ZNF503: variants seen among roughly 807,000 people sequenced by gnomAD.
ZNF503 encodes NocA-like zinc finger 2.
In ZNF503, 15 loss-of-function variants were observed where a neutral mutation model predicts 34.4. The observed-to-expected ratio is 0.44, with a 90% CI of 0.29 to 0.67. The LOEUF is 0.67. ZNF503 is among the 30% of genes least tolerant of loss of function. The pLI is 0.13. For missense variants in ZNF503, 1,007 were observed against 926.8 expected (o/e 1.09, Z -1.12); for synonymous variants, 580 against 456.8 (o/e 1.27, Z -3.44).
At chr10:75,350,371 A>G in the ZNF503 span, 3 of 152,348 alleles carry the variant, frequency 2.0e-5, no homozygotes, top group African/African-American at 7.2e-5. Flanking sequence ...CAACAGAGAA[A>G]GCAGAAGCCA....
the ZNF503 span, among the ~76,000 whole-genome samples, chr10:75,379,790 AT>A: frequency 3.3e-5 from 5 of 152,252 alleles, no homozygotes; most frequent in Admixed American, 2.6e-4. Flanking sequence ...TATCATAAAT[AT>A]GCAGAAAAGT....
At chr10:75,359,282 A>T in the ZNF503 span, among the ~76,000 whole-genome samples, 1 of 152,250 alleles carries the variant, frequency 6.6e-6, no homozygotes, top group African/African-American at 2.4e-5. Flanking sequence ...GCCCAGCCCC[A>T]GCACAGTTCC....
At chr10:75,330,430 G>A in the ZNF503 span, among the ~76,000 whole-genome samples, 6 of 152,084 alleles carry the variant, frequency 3.9e-5, no homozygotes, top group Admixed American at 2.6e-4. Context: ...AATTAGTATC[G>A]GTTCTTCTTT....
At position 75,399,448 on chromosome 10, in the gene ZNF503, G is replaced by A. The variant is rs759603265; in HGVS notation, c.1242C>T (p.Ala414=). The A allele has an allele frequency of 1.8e-5, 28 of 1,591,354 alleles. No individual in the cohort carries two copies. Among genetic ancestry groups the A allele is most frequent in the Non-Finnish European group, 2.0e-5 (24 of 1,174,390 alleles). Residue 414 remains alanine, a synonymous_variant, in exon 2 of 2, where the codon GCC becomes GCT. Coordinates refer to ENST00000372524, the MANE Select transcript of ZNF503 (RefSeq NM_032772.6). ...CSKPAGSSPL[A]GASPPSVMTA... ...TCATCACGGACGGCGGAGACGCTCC[G>A]GCCAAAGGGCTGGAGCCGGCCGGCT...
chr10:75,287,257 C>G, the ZNF503 span, among the ~76,000 whole-genome samples: 834 of 152,216 alleles, frequency 5.5e-3, 5 homozygotes, highest in African/African-American at 0.019. Context: ...GCTGCAGCTC[C>G]CTGGACCCAG....
chr10:75,379,425 G>A, the ZNF503 span, among the ~76,000 whole-genome samples: 12 of 152,140 alleles, frequency 7.9e-5, no homozygotes, highest in African/African-American at 2.9e-4. Flanking sequence ...ATCTGTTTAC[G>A]AGCTGATTAA....
chr10:75,379,656 A>AG, the ZNF503 span, among the ~76,000 whole-genome samples: 1 of 152,200 alleles, frequency 6.6e-6, no homozygotes, highest in Non-Finnish European at 1.5e-5. Flanking sequence ...CTGGAATGAG[A>AG]GGGGGAAGGA....
At chr10:75,333,137 G>A in the ZNF503 span, among the ~76,000 whole-genome samples, 1 of 137,518 alleles carries the variant, frequency 7.3e-6, no homozygotes. Context: ...GGACGGGGCG[G>A]CTGGCCGGGC....
the ZNF503 span, among the ~76,000 whole-genome samples, chr10:75,288,039 A>G: frequency 1.3e-5 from 2 of 152,180 alleles, no homozygotes; most frequent in Admixed American, 6.5e-5. Flanking sequence ...GCAGGTGGAG[A>G]TGGATGGCTC....
At chr10:75,324,070 G>GTGT in the ZNF503 span, among the ~76,000 whole-genome samples, 1 of 10,222 alleles carries the variant, frequency 9.8e-5, no homozygotes, top group African/African-American at 1.2e-3. Context: ...TTTTATATGC[G>GTGT]TTTGTCAGAA....
chr10:75,401,255 A>C lies in ZNF503; in HGVS notation c.165T>G (p.Pro55=). Residue 55 remains proline, a synonymous_variant, in exon 1 of 2, where the codon CCT becomes CCG. Coordinates refer to ENST00000372524, the MANE Select transcript of ZNF503 (RefSeq NM_032772.6). ...CAGAGGGGGGCACGGCGTGCACAAA[A>C]GGCTTGGTGCTGCCGGCCGGGGACG... ...PGSSPAGSTK[P]FVHAVPPSDP... 3 of 1,604,200 alleles carry C rather than the reference A, an allele frequency of 1.9e-6. No individual in the cohort carries two copies. The highest frequency in any genetic ancestry group is 2.6e-6 in the Non-Finnish European group (3 of 1,175,860).
the ZNF503 span, among the ~76,000 whole-genome samples, chr10:75,338,687 A>G: frequency 6.6e-6 from 1 of 152,106 alleles, no homozygotes; most frequent in Non-Finnish European, 1.5e-5. Context: ...TGAGATCTGG[A>G]ACTTTCTGGA....
At chr10:75,336,581 A>C in the ZNF503 span, among the ~76,000 whole-genome samples, 8 of 152,192 alleles carry the variant, frequency 5.3e-5, no homozygotes, top group Non-Finnish European at 1.2e-4. Flanking sequence ...CAATCACAGC[A>C]GCTGAAAACA....
the ZNF503 span, among the ~76,000 whole-genome samples, chr10:75,389,822 G>A: frequency 1.3e-5 from 2 of 152,294 alleles, no homozygotes; most frequent in South Asian, 4.1e-4. Flanking sequence ...TTTCTTTCAG[G>A]TTTCTGTAGT....
At chr10:75,355,314 C>T in the ZNF503 span, among the ~76,000 whole-genome samples, 1 of 152,102 alleles carries the variant, frequency 6.6e-6, no homozygotes, top group Non-Finnish European at 1.5e-5. Flanking sequence ...AAATAAAAAC[C>T]TCCTATTTAT....
the ZNF503 span, among the ~76,000 whole-genome samples, chr10:75,376,749 C>T: frequency 6.6e-6 from 1 of 152,114 alleles, no homozygotes. Flanking sequence ...AGGAATCTTA[C>T]AATCATGACG....
At chr10:75,396,472 C>T (rs989440131), downstream of ZNF503, among the ~76,000 whole-genome samples, 6 of 152,066 alleles carry the variant, frequency 3.9e-5, no homozygotes, top group Admixed American at 2.6e-4. The surrounding 1 kb of genome is among the most constrained non-coding windows in gnomAD (Gnocchi z 4.4). Flanking sequence ...GGTAAAGGCC[C>T]TGCAGCCGTG....
chr10:75,314,546 A>G, the ZNF503 span, among the ~76,000 whole-genome samples: 3 of 152,222 alleles, frequency 2.0e-5, no homozygotes, highest in Non-Finnish European at 4.4e-5. Flanking sequence ...ATCCATAGAA[A>G]TTATGGGACA....
At chr10:75,323,660 T>A in the ZNF503 span, among the ~76,000 whole-genome samples, 1 of 152,170 alleles carries the variant, frequency 6.6e-6, no homozygotes, top group African/African-American at 2.4e-5. Context: ...TAGCCCTCCA[T>A]ATATTTTCTT....
Sources: allele counts gnomAD v4.1 joint callset (sites outside exome capture counted in the v4.1 genomes callset), GRCh38; gene constraint gnomAD v4.1.1; non-coding constraint Gnocchi (gnomAD v3.1); transcripts MANE v1.5; gene names NCBI Gene and HGNC (gene_info 2026-07-23, HGNC 2026-07-21).